Variants in SLFN12L observed in about 807,000 individuals in gnomAD.
SLFN12L encodes the protein schlafen family member 12 like.
In SLFN12L, 34 loss-of-function variants were observed where a neutral mutation model predicts 34.8. That is an observed-to-expected ratio of 0.98 (90% CI 0.74 to 1.30). SLFN12L has a LOEUF of 1.30. SLFN12L is among the 50% of genes most tolerant of loss of function. SLFN12L has a pLI of 0.00. For missense variants in SLFN12L, 703 were observed against 696.2 expected, an observed-to-expected ratio of 1.01 and a Z score of -0.11; for synonymous variants, 259 against 247.5, an observed-to-expected ratio of 1.05 and a Z score of -0.44.
chr17:35,506,201 C>A (rs1915460649), intron 2 of SLFN12L, among the ~76,000 whole-genome samples: 1 of 152,160 alleles, frequency 6.6e-6, no homozygotes, highest in South Asian at 2.1e-4. Context: ...GATTCCCAAA[C>A]AAGTCACCTT....
intron 2 of SLFN12L, among the ~76,000 whole-genome samples, chr17:35,521,659 G>A (rs74704615): frequency 6.6e-6 from 1 of 152,182 alleles, no homozygotes; most frequent in African/African-American, 2.4e-5. Flanking sequence ...CAGGAGTTCA[G>A]GGATATGGTG....
intron 2 of SLFN12L, among the ~76,000 whole-genome samples, chr17:35,480,877 G>C (rs922505287): frequency 6.6e-6 from 1 of 151,676 alleles, no homozygotes; most frequent in African/African-American, 2.4e-5. Context: ...AGCTCTTCCA[G>C]TATAATAAAG....
chr17:35,483,841 C>T (rs553802403), intron 2 of SLFN12L, among the ~76,000 whole-genome samples: 3 of 152,272 alleles, frequency 2.0e-5, no homozygotes, highest in African/African-American at 7.2e-5. Flanking sequence ...ACTGCTAGAC[C>T]ACTATCACGC....
chr17:35,495,659 G>A (rs1374717020), intron 2 of SLFN12L, among the ~76,000 whole-genome samples: 1 of 150,728 alleles, frequency 6.6e-6, no homozygotes, highest in African/African-American at 2.4e-5. Flanking sequence ...TTCGGCCCGC[G>A]CCCACCTCCC....
intron 2 of SLFN12L, among the ~76,000 whole-genome samples, chr17:35,497,680 G>A (rs1216159599): frequency 1.3e-5 from 2 of 152,152 alleles, no homozygotes; most frequent in Non-Finnish European, 2.9e-5. Context: ...CGACAGTCTT[G>A]AAAACGCCTT....
chr17:35,490,697 G>T (rs1291918628), intron 2 of SLFN12L: 12 of 1,239,102 alleles, frequency 9.7e-6, no homozygotes, highest in Non-Finnish European at 1.2e-5. Flanking sequence ...GATTCAGATC[G>T]TCAAAGGTTA....
rs1387692454 is a variant in SLFN12L at position 35,469,029 on chromosome 17, A to G, written c.*5894T>C. Among the ~76,000 whole-genome samples, 1 of 151,944 alleles carries G rather than the reference A, an allele frequency of 6.6e-6. No individual in the cohort carries two copies. The highest frequency in any genetic ancestry group is 2.4e-5 in the African/African-American group (1 of 41,306). ...AAGACCCTGTGTCTAAAAAGATAAC[A>G]AAAATTAATGGATAGTATTGCCTTT... On this transcript the variant is annotated 3_prime_UTR_variant, in exon 5 of 5. Transcript: ENST00000628453.
At position 35,491,232 on chromosome 17, in the gene SLFN12L, G is replaced by A. The variant is rs1224848630; in HGVS notation, c.87-11037C>T. On this transcript the variant is annotated intron_variant, in intron 2 of 4. Coordinates refer to ENST00000628453, the MANE Select transcript of SLFN12L (RefSeq NM_001363830.2). ...AGCTCCCACTGGTGGAAGACTTCAA[G>A]TGTAGTTGATTATGCTTCATGTGAA... 28 of 1,097,196 alleles carry A rather than the reference G, an allele frequency of 2.6e-5. 1 individual carries two copies. The highest frequency in any genetic ancestry group is 4.2e-4 in the Middle Eastern group (2 of 4,814). 68.0% of individuals were successfully genotyped at this position (1,097,196 alleles called of 1,614,324 possible).
chr17:35,530,356 AG>A (rs1338384835), intron 1 of SLFN12L, among the ~76,000 whole-genome samples: 3 of 112,956 alleles, frequency 2.7e-5, no homozygotes, highest in Admixed American at 1.0e-4. Context: ...AAAAAAAAAG[AG>A]AAAGAAAGGA....
intron 2 of SLFN12L, chr17:35,487,875 A>G (rs958033625): frequency 1.1e-6 from 1 of 928,460 alleles, no homozygotes; most frequent in Admixed American, 2.0e-5. Flanking sequence ...GTGGCACCGC[A>G]CGCGCTGTTA....
intron 2 of SLFN12L, among the ~76,000 whole-genome samples, chr17:35,518,157 T>A (rs976511230): frequency 6.6e-6 from 1 of 152,192 alleles, no homozygotes; most frequent in African/African-American, 2.4e-5. Flanking sequence ...GACAAAGGTC[T>A]AATATCCAGG....
chr17:35,477,772 T>C (rs1914100249), intron 4 of SLFN12L, among the ~76,000 whole-genome samples: 1 of 152,092 alleles, frequency 6.6e-6, no homozygotes, highest in Non-Finnish European at 1.5e-5. Context: ...AGTCTGGCAT[T>C]GGAAAAGATG....
At chr17:35,492,048 T>C (rs1196044902) in intron 2 of SLFN12L, among the ~76,000 whole-genome samples, 1 of 152,236 alleles carries the variant, frequency 6.6e-6, no homozygotes, top group Non-Finnish European at 1.5e-5. Context: ...TGTTTTGAAC[T>C]TTTTATTTTT....
At chr17:35,501,739 G>A (rs1298233543) in intron 2 of SLFN12L, among the ~76,000 whole-genome samples, 4 of 152,176 alleles carry the variant, frequency 2.6e-5, no homozygotes, top group African/African-American at 4.8e-5. Context: ...TTTGTGTAAG[G>A]TAGACTGGCC....
intron 2 of SLFN12L, among the ~76,000 whole-genome samples, chr17:35,507,164 T>G (rs1915488484): frequency 6.6e-6 from 1 of 152,212 alleles, no homozygotes; most frequent in Admixed American, 6.5e-5. Context: ...TCTTTCTTCC[T>G]ACTGCCCATA....
chr17:35,487,406 G>A (rs1914625006), intron 2 of SLFN12L, among the ~76,000 whole-genome samples: 2 of 152,342 alleles, frequency 1.3e-5, no homozygotes, highest in South Asian at 4.1e-4. Flanking sequence ...AAGCAGCCTC[G>A]GGTCTCCCCG....
Position 35,524,793 on chromosome 17 carries a change from C to G in SLFN12L, c.-605-1824G>C, listed in dbSNP as rs191169107. ...CTGAAAATTCCAAAAACCAGAATACCTCTTCTCCTCCAAAGGATCACAACT... is the reference window on the plus strand; with the variant it reads ...CTGAAAATTCCAAAAACCAGAATACGTCTTCTCCTCCAAAGGATCACAACT... On this transcript the variant is annotated intron_variant, in intron 1 of 4. Coordinates refer to ENST00000628453, the MANE Select transcript of SLFN12L (RefSeq NM_001363830.2). 8.5e-5 allele frequency among the ~76,000 whole-genome samples: 13 copies of G among 152,194 alleles called. No individual in the cohort carries two copies. The East Asian group carries it at 2.3e-3, about 27-fold the overall frequency.
chr17:35,480,278 T>G, intron 2 of SLFN12L, 83 bp from the exon 3 acceptor site: 1 of 1,089,902 alleles, frequency 9.2e-7, no homozygotes, highest in East Asian at 2.6e-5. Context: ...GAAAAATCCT[T>G]TACTGTATAT....
intron 2 of SLFN12L, among the ~76,000 whole-genome samples, chr17:35,506,515 C>T (rs538170793): frequency 3.9e-5 from 6 of 152,240 alleles, no homozygotes; most frequent in Non-Finnish European, 5.9e-5. Flanking sequence ...GCATGTAACC[C>T]TAGAAATTGA....
Sources: gnomAD v4.1 joint callset for allele counts (sites outside exome capture counted in the v4.1 genomes callset) on GRCh38, gnomAD v4.1.1 for gene constraint, MANE v1.5 for transcripts, NCBI Gene and HGNC (gene_info 2026-07-23, HGNC 2026-07-21) for gene names.